Variants in TMCC3 observed in about 807,000 individuals in gnomAD.
TMCC3 encodes transmembrane and coiled-coil domain protein 3.
In TMCC3, 28 loss-of-function variants were observed where a neutral mutation model predicts 40.2. That is an observed-to-expected ratio of 0.70 (90% confidence interval 0.52 to 0.95). The LOEUF is 0.95. TMCC3 is among the 40% of genes least tolerant of loss of function. The probability of loss-of-function intolerance (pLI) is 0.00; values close to 1 mark genes in which losing one functional copy is unlikely to be tolerated. For synonymous variants in TMCC3, 255 were observed against 248.5 expected (o/e 1.03, Z -0.25); for missense variants, 554 against 615.2 (o/e 0.90, Z 1.05).
chr12:94,622,782 T>C (rs762607997), intron 1 of TMCC3, among the ~76,000 whole-genome samples: 6 of 144,810 alleles, frequency 4.1e-5, no homozygotes, highest in Non-Finnish European at 9.1e-5. Flanking sequence ...CCTGCAGATA[T>C]AAAAAAAGAC....
chr12:94,592,661 C>CAAAAAAAAAAAAAAAAAAA lies in TMCC3; in HGVS notation c.79-10142_79-10124dup, dbSNP rs869058316. On this transcript the variant is annotated intron_variant, in intron 1 of 3. Coordinates refer to ENST00000261226, the MANE Select transcript of TMCC3 (RefSeq NM_020698.4). ...TGAGCCTGGACAACAGGCTCCATCT[C>CAAAAAAAAAAAAAAAAAAA]AAAAAAAAAAAAAAAAAAAAAATTC... Among the ~76,000 whole-genome samples, 160 of 27,486 alleles carry CAAAAAAAAAAAAAAAAAAA rather than the reference C, an allele frequency of 5.8e-3. 26 individuals are homozygous for CAAAAAAAAAAAAAAAAAAA. Among genetic ancestry groups the CAAAAAAAAAAAAAAAAAAA allele is most frequent in the Admixed American group, 0.033 (63 of 1,900 alleles). The allele number at this position is 27,486 out of a possible 152,430, so 18.0% of individuals were successfully genotyped here.
Position 94,578,467 on chromosome 12 carries a change from T to C in TMCC3, c.1058A>G (p.Asn353Ser), listed in dbSNP as rs768128624. 2 of 1,614,146 alleles carry C rather than the reference T, an allele frequency of 1.2e-6. No individual in the cohort carries two copies. Among genetic ancestry groups the C allele is most frequent in the African/African-American group, 1.3e-5 (1 of 75,050 alleles). Residue 353 changes from asparagine to serine, a missense_variant, in exon 3 of 4, where the codon AAC becomes AGC. Asn to Ser is a conservative substitution (Grantham distance 46). Transcript: ENST00000261226. ...AATGCTGGCCAGCTCCTGCTTCAGG[T>C]TGGCTGTCTCATGCTGATGCAGGTC... ...LTDLHQHETANLKQELASIEE... is the reference protein window; with the variant it reads ...LTDLHQHETASLKQELASIEE...
At chr12:94,623,511 G>A (rs1057474979) in intron 1 of TMCC3, among the ~76,000 whole-genome samples, 1 of 152,222 alleles carries the variant, frequency 6.6e-6, no homozygotes, top group African/African-American at 2.4e-5. Flanking sequence ...TGCTCTCACA[G>A]GTGTTGTACA....
intron 1 of TMCC3, among the ~76,000 whole-genome samples, chr12:94,598,120 A>G (rs1331122280): frequency 6.6e-6 from 1 of 152,134 alleles, no homozygotes; most frequent in Non-Finnish European, 1.5e-5. Context: ...CCGGTACCTT[A>G]TTTTATTTTT....
chr12:94,586,821 G>A (rs999682935), intron 1 of TMCC3, among the ~76,000 whole-genome samples: 1 of 152,334 alleles, frequency 6.6e-6, no homozygotes. Flanking sequence ...ATTTAACAAT[G>A]CTTTGCATGT....
chr12:94,626,236 T>C (rs565584144), intron 1 of TMCC3, among the ~76,000 whole-genome samples: 1 of 152,198 alleles, frequency 6.6e-6, no homozygotes, highest in Admixed American at 6.5e-5. Flanking sequence ...TCCCTCGACA[T>C]GTGGGGATTA....
At chr12:94,625,175 G>C (rs949867275) in intron 1 of TMCC3, among the ~76,000 whole-genome samples, 4 of 150,870 alleles carry the variant, frequency 2.7e-5, no homozygotes, top group Non-Finnish European at 4.4e-5. Flanking sequence ...TTTTTACAGA[G>C]GTTTGATTAC....
At chr12:94,643,431 A>G (rs1256778789) in intron 1 of TMCC3, among the ~76,000 whole-genome samples, 1 of 152,170 alleles carries the variant, frequency 6.6e-6, no homozygotes, top group Non-Finnish European at 1.5e-5. Context: ...GCATGTCTTG[A>G]ACTCCATGTT....
chr12:94,609,573 A>T (rs182488277), intron 1 of TMCC3, among the ~76,000 whole-genome samples: 170 of 152,316 alleles, frequency 1.1e-3, no homozygotes, highest in Non-Finnish European at 2.0e-3. Flanking sequence ...CAGGCACTCA[A>T]CTATCTTACC....
At position 94,597,147 on chromosome 12, in the gene TMCC3, ATATATATATATGTATAT is replaced by A. The variant is rs1566322280; in HGVS notation, c.79-14626_79-14610del. ...TACATATATATATATATATATATAT[ATATATATATATGTATAT>A]AAATTAGCCAGGCCTGCTGGCGTGC... On this transcript the variant is annotated intron_variant, in intron 1 of 3. Coordinates refer to ENST00000261226, the MANE Select transcript of TMCC3 (RefSeq NM_020698.4). Among the ~76,000 whole-genome samples, 10 of 15,370 alleles carry A rather than the reference ATATATATATATGTATAT, an allele frequency of 6.5e-4. 1 individual carries two copies. The highest frequency in any genetic ancestry group is 2.2e-3 in the South Asian group (1 of 452). 10.1% of individuals were successfully genotyped at this position (15,370 alleles called of 152,430 possible).
chr12:94,641,262 G>A (rs2068989133), intron 1 of TMCC3, among the ~76,000 whole-genome samples: 1 of 152,056 alleles, frequency 6.6e-6, no homozygotes, highest in South Asian at 2.1e-4. Context: ...GGGGATTGAG[G>A]GAGCAGCTCA....
At chr12:94,636,280 C>A (rs2068960503) in intron 1 of TMCC3, among the ~76,000 whole-genome samples, 2 of 152,140 alleles carry the variant, frequency 1.3e-5, no homozygotes, top group Non-Finnish European at 2.9e-5. Flanking sequence ...ATTAGGAGAA[C>A]ATGGGCATGT....
chr12:94,645,077 T>C (rs1222945450), intron 1 of TMCC3, among the ~76,000 whole-genome samples: 1 of 152,232 alleles, frequency 6.6e-6, no homozygotes. Flanking sequence ...AGATATTAAG[T>C]TTCCACAGAG....
intron 3 of TMCC3, among the ~76,000 whole-genome samples, chr12:94,578,146 C>CT (rs2068577202): frequency 2.9e-5 from 1 of 34,854 alleles, no homozygotes; most frequent in Non-Finnish European, 5.2e-5. Context: ...AGACTCACCT[C>CT]AAAAAAAAAA....
At chr12:94,590,996 A>G (rs2068671417) in intron 1 of TMCC3, 3 of 559,426 alleles carry the variant, frequency 5.4e-6, no homozygotes, top group Non-Finnish European at 1.1e-5. Flanking sequence ...GATGAGGAAG[A>G]AACCGCGACT....
intron 1 of TMCC3, among the ~76,000 whole-genome samples, chr12:94,639,435 T>G (rs2068977185): frequency 6.6e-6 from 1 of 151,980 alleles, no homozygotes; most frequent in South Asian, 2.1e-4. Context: ...TACAAAAAAA[T>G]TAGCTGGCAT....
At chr12:94,629,341 G>C (rs1441295238) in intron 1 of TMCC3, among the ~76,000 whole-genome samples, 1 of 152,190 alleles carries the variant, frequency 6.6e-6, no homozygotes. Flanking sequence ...TCTCAGGGTG[G>C]ACTCTGGGGG....
At chr12:94,635,443 C>G (rs1283994281) in intron 1 of TMCC3, among the ~76,000 whole-genome samples, 3 of 152,150 alleles carry the variant, frequency 2.0e-5, no homozygotes, top group Non-Finnish European at 2.9e-5. Flanking sequence ...AATACACATT[C>G]TATGTACCAT....
chr12:94,582,641 T>A (rs1422712481), intron 1 of TMCC3, 103 bp from the exon 2 acceptor site: 13 of 1,096,364 alleles, frequency 1.2e-5, no homozygotes, highest in Non-Finnish European at 1.4e-5. Flanking sequence ...AGTCCCAGTT[T>A]TTCGAACTAC....
Sources: allele counts gnomAD v4.1 joint callset (sites outside exome capture counted in the v4.1 genomes callset), GRCh38; gene constraint gnomAD v4.1.1; transcripts MANE v1.5; gene names NCBI Gene and HGNC (gene_info 2026-07-23, HGNC 2026-07-21).